Variants in PCA3 observed in about 807,000 individuals in gnomAD.
PCA3 encodes the protein prostate cancer associated 3.
At chr9:76,766,603 T>C (rs967350393) in intron 2 of PCA3, among the ~76,000 whole-genome samples, 4 of 152,310 alleles carry the variant, frequency 2.6e-5, no homozygotes, top group African/African-American at 4.8e-5. Flanking sequence ...TTTCCTTCCA[T>C]GTTTTGGTCC....
At chr9:76,777,367 C>T (rs1042717762) in intron 2 of PCA3, among the ~76,000 whole-genome samples, 2 of 152,120 alleles carry the variant, frequency 1.3e-5, no homozygotes, top group African/African-American at 2.4e-5. Flanking sequence ...GGCAGAAAAT[C>T]GAAGTAAGCA....
At chr9:76,767,210 G>A (rs564622753) in intron 2 of PCA3, among the ~76,000 whole-genome samples, 9 of 152,292 alleles carry the variant, frequency 5.9e-5, no homozygotes, top group African/African-American at 2.2e-4. Flanking sequence ...CCAGCACTTT[G>A]GGAGGCCGAG....
chr9:76,776,820 G>GTTT (rs200859225), intron 2 of PCA3, among the ~76,000 whole-genome samples: 55 of 128,980 alleles, frequency 4.3e-4, no homozygotes, highest in African/African-American at 1.0e-3. Flanking sequence ...CCAGCCAGCA[G>GTTT]TTTTTTTTTT....
At chr9:76,779,005 A>G (rs1300041352) in intron 2 of PCA3, 1 of 152,200 alleles carries the variant, frequency 6.6e-6, no homozygotes, top group Non-Finnish European at 1.5e-5. Flanking sequence ...ATCACTAGTC[A>G]TCTTAAATAA....
chr9:76,764,705 G>C (rs1338543480), intron 2 of PCA3: 2 of 152,320 alleles, frequency 1.3e-5, no homozygotes, highest in Non-Finnish European at 2.9e-5. Flanking sequence ...TAGGACAGCA[G>C]AAGGGTAGGA....
chr9:76,776,887 AACACATACACACAC>A (rs1459456051), intron 2 of PCA3, among the ~76,000 whole-genome samples: 25 of 96,556 alleles, frequency 2.6e-4, no homozygotes, highest in African/African-American at 8.8e-4. Context: ...TCATTACCAA[AACACATACACACAC>A]ACACACACAC....
chr9:76,783,690 C>T (rs1694858172), intron 2 of PCA3: 2 of 152,088 alleles, frequency 1.3e-5, no homozygotes, highest in South Asian at 2.1e-4. Flanking sequence ...CTCAAATGGT[C>T]GTATGTATTT....
At chr9:76,786,948 C>G (rs1229041653) in intron 2 of PCA3, 1 of 152,146 alleles carries the variant, frequency 6.6e-6, no homozygotes, top group Non-Finnish European at 1.5e-5. Flanking sequence ...CTGATTACGC[C>G]TCATGGGTGG....
intron 2 of PCA3, among the ~76,000 whole-genome samples, chr9:76,774,458 T>TTATTTATTTATTTATTTATTTATTTA (rs2053498967): frequency 1.8e-4 from 6 of 33,298 alleles, no homozygotes; most frequent in African/African-American, 9.3e-4. Context: ...CCCTTTTTTT[T>TTATTTATTTATTTATTTATTTATTTA]TTTTTTTTTT....
chr9:76,775,942 T>G (rs2053687074), intron 2 of PCA3, among the ~76,000 whole-genome samples: 1 of 146,132 alleles, frequency 6.8e-6, no homozygotes, highest in African/African-American at 2.5e-5. Context: ...CTAATTCCAC[T>G]CTTCTCTATT....
At chr9:76,776,863 CTT>C (rs1273266920) in intron 2 of PCA3, among the ~76,000 whole-genome samples, 1 of 145,590 alleles carries the variant, frequency 6.9e-6, no homozygotes, top group Non-Finnish European at 1.5e-5. Context: ...GAAGCTTTCT[CTT>C]GAGTTTCTTT....
At chr9:76,775,365 C>G (rs1396541832) in intron 2 of PCA3, among the ~76,000 whole-genome samples, 1 of 152,144 alleles carries the variant, frequency 6.6e-6, no homozygotes, top group Admixed American at 6.5e-5. Context: ...TGCACGATCA[C>G]AGTTCACTGC....
chr9:76,787,386 C>G (rs1347413259), intron 2 of PCA3: 1 of 151,004 alleles, frequency 6.6e-6, no homozygotes, highest in Admixed American at 6.6e-5. Context: ...ATAAGTGATT[C>G]GGGGGGTGGG....
chr9:76,764,766 T>G (rs915439479), intron 2 of PCA3, among the ~76,000 whole-genome samples: 17 of 152,210 alleles, frequency 1.1e-4, no homozygotes, highest in African/African-American at 3.9e-4. Flanking sequence ...AGGTGGTGGC[T>G]GGGCCTAGGC....
chr9:76,776,507 T>C (rs1449586053), intron 2 of PCA3, among the ~76,000 whole-genome samples: 1 of 148,982 alleles, frequency 6.7e-6, no homozygotes, highest in Non-Finnish European at 1.5e-5. Context: ...TTCTTTTTTT[T>C]TTTCTTTTTT....
intron 2 of PCA3, among the ~76,000 whole-genome samples, chr9:76,774,460 T>TATTTATTTATTTATTTATTTATTTA (rs1564272674): frequency 1.9e-4 from 26 of 138,580 alleles, no homozygotes; most frequent in Non-Finnish European, 3.5e-4. Context: ...CTTTTTTTTT[T>TATTTATTTATTTATTTATTTATTTA]TTTTTTTTTT....
At chr9:76,778,127 G>A (rs2053998814) in intron 2 of PCA3, among the ~76,000 whole-genome samples, 3 of 152,196 alleles carry the variant, frequency 2.0e-5, no homozygotes, top group Admixed American at 2.0e-4. Flanking sequence ...CCAGCCTAGA[G>A]TGATTAAATC....
At chr9:76,766,182 C>CAAA (rs35059224) in intron 2 of PCA3, among the ~76,000 whole-genome samples, 6 of 112,366 alleles carry the variant, frequency 5.3e-5, no homozygotes, top group Non-Finnish European at 3.8e-5. Context: ...GACTCTGCCT[C>CAAA]AAAAAAAAAA....
At chr9:76,773,173 T>C (rs2053304031) in intron 2 of PCA3, among the ~76,000 whole-genome samples, 1 of 152,176 alleles carries the variant, frequency 6.6e-6, no homozygotes, top group Non-Finnish European at 1.5e-5. Context: ...AAGCGGTCTT[T>C]TGTTGTTGTT....
Sources: gnomAD v4.1 joint callset for allele counts (sites outside exome capture counted in the v4.1 genomes callset) on GRCh38, gnomAD v4.1.1 for gene constraint, MANE v1.5 for transcripts, NCBI Gene and HGNC (gene_info 2026-07-23, HGNC 2026-07-21) for gene names.